The following TRABD2B variants were observed in gnomAD, a reference collection of about 807,000 sequenced individuals.
The protein encoded by TRABD2B is TraB domain containing 2B.
Under a neutral mutation model 40.1 loss-of-function variants are expected in TRABD2B, and 14 were observed. The ratio of observed to expected loss-of-function variants is 0.35; its 90% CI spans 0.23 to 0.55. The LOEUF is 0.55. Ranked by LOEUF, TRABD2B falls within the 20% of genes least tolerant of loss-of-function variation. The pLI, the probability that TRABD2B is intolerant of heterozygous loss-of-function variation, is 0.90. For synonymous variants in TRABD2B, 263 were observed against 277.0 expected, an observed-to-expected ratio of 0.95 and a Z score of 0.50; for missense variants, 541 against 648.6, an observed-to-expected ratio of 0.83 and a Z score of 1.80.
At chr1:47,816,360 C>A (rs1001060671) in intron 2 of TRABD2B, among the ~76,000 whole-genome samples, 2 of 152,158 alleles carry the variant, frequency 1.3e-5, no homozygotes, top group African/African-American at 2.4e-5. Context: ...CTGGGAATAA[C>A]CATGAACTTC....
At chr1:47,984,435 C>G (rs1221746418) in intron 2 of TRABD2B, among the ~76,000 whole-genome samples, 1 of 152,242 alleles carries the variant, frequency 6.6e-6, no homozygotes, top group East Asian at 1.9e-4. Context: ...TCGGGCCAAA[C>G]GCGTCATGCA....
chr1:47,915,579 A>C (rs545124454), intron 2 of TRABD2B, among the ~76,000 whole-genome samples: 2 of 152,326 alleles, frequency 1.3e-5, no homozygotes, highest in African/African-American at 4.8e-5. Flanking sequence ...CACACAGCTT[A>C]TAAGAGGCCA....
intron 2 of TRABD2B, among the ~76,000 whole-genome samples, chr1:47,930,047 T>C (rs1409307662): frequency 6.6e-6 from 1 of 152,072 alleles, no homozygotes; most frequent in Non-Finnish European, 1.5e-5. Flanking sequence ...TGAGACCAAC[T>C]CTCCCTCGTC....
chr1:47,918,832 C>T (rs1644864050), intron 2 of TRABD2B, among the ~76,000 whole-genome samples: 1 of 152,236 alleles, frequency 6.6e-6, no homozygotes, highest in South Asian at 2.1e-4. Flanking sequence ...ATCTGAGCCA[C>T]AGTCTGGGCT....
intron 4 of TRABD2B, among the ~76,000 whole-genome samples, chr1:47,786,312 T>C (rs1644594129): frequency 6.6e-6 from 1 of 152,242 alleles, no homozygotes; most frequent in Non-Finnish European, 1.5e-5. Flanking sequence ...AGGAAGAATG[T>C]TGAGCTCCCT....
intron 6 of TRABD2B, among the ~76,000 whole-genome samples, chr1:47,767,310 CG>C (rs967281707): frequency 6.6e-6 from 1 of 152,112 alleles, no homozygotes; most frequent in Non-Finnish European, 1.5e-5. Flanking sequence ...AGGGGAGCAC[CG>C]GGGGGCAGCA....
At chr1:47,909,556 AAGAAGGAGG>A (rs1235789785) in intron 2 of TRABD2B, among the ~76,000 whole-genome samples, 11 of 99,532 alleles carry the variant, frequency 1.1e-4, no homozygotes, top group Non-Finnish European at 2.1e-4. Flanking sequence ...GAGAAGAAGG[AAGAAGGAGG>A]AGGAGGAGGA....
chr1:47,986,856 G>A (rs951346038), intron 2 of TRABD2B, among the ~76,000 whole-genome samples: 12 of 152,232 alleles, frequency 7.9e-5, no homozygotes, highest in Admixed American at 5.9e-4. Context: ...GAGACGGCTT[G>A]GCAGCCGCTG....
chr1:47,833,456 G>A (rs1206807512), intron 2 of TRABD2B, among the ~76,000 whole-genome samples: 3 of 152,226 alleles, frequency 2.0e-5, no homozygotes, highest in African/African-American at 7.2e-5. Flanking sequence ...AGATAACCAT[G>A]ACCCTGGTCA....
rs145711721 is a variant in TRABD2B at position 47,941,238 on chromosome 1, T to C, written c.666+52796A>G. On this transcript the variant is annotated intron_variant, in intron 2 of 6. Transcript: ENST00000606738. ...AAGATGAACACCAAGTTCCTTAGAG[T>C]AGAAGTCCCCAAGCTTCCGCTAGCC... is the stretch of plus-strand genomic sequence containing the variant. 2.5e-3 allele frequency among the ~76,000 whole-genome samples: 374 copies of C among 151,946 alleles called. 2 individuals are homozygous for C. The highest frequency in any genetic ancestry group is 8.4e-3 in the African/African-American group (349 of 41,414).
intron 2 of TRABD2B, among the ~76,000 whole-genome samples, chr1:47,866,858 C>T (rs989475981): frequency 4.6e-5 from 7 of 152,140 alleles, no homozygotes; most frequent in Non-Finnish European, 7.3e-5. Context: ...AGGCCTTGGG[C>T]GCCCCAAGGT....
intron 2 of TRABD2B, among the ~76,000 whole-genome samples, chr1:47,855,827 C>T (rs1643884359): frequency 6.6e-6 from 1 of 152,196 alleles, no homozygotes; most frequent in Non-Finnish European, 1.5e-5. Flanking sequence ...ATCTGCAAAC[C>T]AGAAGAGGGC....
chr1:47,801,505 T>A lies in TRABD2B; in HGVS notation c.781A>T (p.Ser261Cys). The A allele has an allele frequency of 6.5e-7, 1 of 1,536,086 alleles. No individual in the cohort carries two copies. Among genetic ancestry groups the A allele is most frequent in the Non-Finnish European group, 8.7e-7 (1 of 1,146,880 alleles). Reference sequence around the variant, plus strand: ...GTGTCGTGGTTGAAGATGACTGCGCTGAGGTCTCCGCAGTTGTAGTGCTTG... The same window carrying A: ...GTGTCGTGGTTGAAGATGACTGCGCAGAGGTCTCCGCAGTTGTAGTGCTTG... ...LIKHYNCGDL[S>C]AVIFNHDTSQ... Residue 261 changes from serine (S) to cysteine (C), a missense_variant, in exon 3 of 7, where the codon AGC becomes TGC. Ser to Cys is a moderately radical substitution (Grantham distance 112). Around this residue, in one of 2 missense-constraint regions of TRABD2B, gnomAD observed 369 missense variants for 492.8 expected, o/e 0.75. Coordinates refer to ENST00000606738, the MANE Select transcript of TRABD2B (RefSeq NM_001194986.2).
intron 2 of TRABD2B, among the ~76,000 whole-genome samples, chr1:47,825,587 T>C (rs1480072189): frequency 6.6e-6 from 1 of 152,254 alleles, no homozygotes; most frequent in Non-Finnish European, 1.5e-5. Flanking sequence ...TGCTGAGCTC[T>C]GCCAGGGCAG....
chr1:47,970,751 G>C (rs1219350270), intron 2 of TRABD2B, among the ~76,000 whole-genome samples: 1 of 152,164 alleles, frequency 6.6e-6, no homozygotes, highest in Non-Finnish European at 1.5e-5. Flanking sequence ...ACTCAGGTCT[G>C]CTGTGTGCAT....
At chr1:47,798,168 A>G (rs1644773565) in intron 3 of TRABD2B, among the ~76,000 whole-genome samples, 1 of 152,086 alleles carries the variant, frequency 6.6e-6, no homozygotes, top group East Asian at 1.9e-4. Flanking sequence ...ACACTGATGG[A>G]TATGCGCTTT....
At chr1:47,957,273 C>A (rs1645438242) in intron 2 of TRABD2B, among the ~76,000 whole-genome samples, 1 of 152,168 alleles carries the variant, frequency 6.6e-6, no homozygotes, top group African/African-American at 2.4e-5. Context: ...AGCAGAAAAG[C>A]TGAAAATTCT....
intron 2 of TRABD2B, among the ~76,000 whole-genome samples, chr1:47,908,590 C>T (rs1233465054): frequency 1.3e-5 from 2 of 152,232 alleles, no homozygotes; most frequent in Non-Finnish European, 2.9e-5. Context: ...CTCCTTCACT[C>T]TCATTTCCTG....
At chr1:47,987,354 G>C (rs148071687) in intron 2 of TRABD2B, among the ~76,000 whole-genome samples, 2 of 152,254 alleles carry the variant, frequency 1.3e-5, no homozygotes, top group African/African-American at 4.8e-5. Flanking sequence ...GATTCTTTGA[G>C]TCCCTAAATG....
Sources: gnomAD v4.1 joint callset for allele counts (sites outside exome capture counted in the v4.1 genomes callset) on GRCh38, gnomAD v4.1.1 for gene constraint, gnomAD v4.1.1 regional missense constraint, MANE v1.5 for transcripts, NCBI Gene and HGNC (gene_info 2026-07-23, HGNC 2026-07-21) for gene names.